The following ELAC1 variants were observed in gnomAD, a reference collection of about 807,000 sequenced individuals.
ELAC1 encodes the protein elaC ribonuclease Z 1, also known as zinc phosphodiesterase ELAC protein 1.
In ELAC1, 19 loss-of-function variants were observed where a neutral mutation model predicts 25.8. That is an observed-to-expected ratio of 0.74 (90% CI 0.51 to 1.08). The LOEUF (loss-of-function observed/expected upper bound fraction) is 1.08, where lower values mean the gene tolerates loss of function less well. ELAC1 is among the 50% of genes least tolerant of loss of function. The pLI, the probability that ELAC1 is intolerant of heterozygous loss-of-function variation, is 0.00. For synonymous variants in ELAC1, 148 were observed against 160.9 expected (o/e 0.92, Z 0.61); for missense variants, 403 against 434.6 (o/e 0.93, Z 0.65).
chr18:50,981,662 C>T (rs1372203416), intron 2 of ELAC1, among the ~76,000 whole-genome samples: 2 of 152,014 alleles, frequency 1.3e-5, no homozygotes, highest in African/African-American at 4.8e-5. Context: ...TATTTGTCTC[C>T]TTGAAACTGT....
At chr18:50,977,936 C>T (rs982563705) in intron 2 of ELAC1, among the ~76,000 whole-genome samples, 4 of 152,208 alleles carry the variant, frequency 2.6e-5, no homozygotes, top group African/African-American at 4.8e-5. Flanking sequence ...GTTCAAAGTT[C>T]CACAGATCTC....
chr18:50,987,102 T>G lies in ELAC1; in HGVS notation c.*17T>G. The G allele has an allele frequency of 6.8e-7, 1 of 1,472,554 alleles. No individual in the cohort carries two copies. Among genetic ancestry groups the G allele is most frequent in the Non-Finnish European group, 9.2e-7 (1 of 1,092,626 alleles). 91.2% of individuals were successfully genotyped at this position (1,472,554 alleles called of 1,614,324 possible). A position where few individuals can be genotyped will look rare whatever the true frequency, so the allele number is the denominator to read the frequency against. On this transcript the variant is annotated 3_prime_UTR_variant, in exon 4 of 4. Transcript: ENST00000269466. ...AAGAAATGAAACCAGTGTTCCTGAG[T>G]GCACACTGACATGTCTGTGAATATG...
At chr18:50,983,691 T>TAAAAAAAAA (rs35648801) in intron 2 of ELAC1, among the ~76,000 whole-genome samples, 2 of 128,834 alleles carry the variant, frequency 1.6e-5, no homozygotes, top group Non-Finnish European at 1.6e-5. Context: ...TCTACAAAAT[T>TAAAAAAAAA]AAAAAAAAAA....
At chr18:50,968,964 G>C (rs1233092114) in intron 1 of ELAC1, 1 of 152,136 alleles carries the variant, frequency 6.6e-6, no homozygotes, top group African/African-American at 2.4e-5. Context: ...TGTTTCATCT[G>C]TTACCCTCTC....
intron 2 of ELAC1, among the ~76,000 whole-genome samples, chr18:50,979,911 A>G (rs1442423548): frequency 6.6e-6 from 1 of 151,794 alleles, no homozygotes; most frequent in African/African-American, 2.4e-5. Context: ...TTGTATTTTT[A>G]ATAGAGATGG....
Position 50,987,753 on chromosome 18 carries a change from C to G in ELAC1, c.*668C>G, listed in dbSNP as rs1480910255. 1 of 152,168 alleles carries G rather than the reference C, an allele frequency of 6.6e-6. No individual in the cohort carries two copies. The highest frequency in any genetic ancestry group is 1.5e-5 in the Non-Finnish European group (1 of 68,026). The allele number at this position is 152,168 out of a possible 1,614,324, so 9.4% of individuals were successfully genotyped here. A position where few individuals can be genotyped will look rare whatever the true frequency, so the allele number is the denominator to read the frequency against. The stretch of plus-strand genomic sequence containing the variant: ...TACGGTGGTGGTAGTGGTGGTACTA[C>G]TACTACTGGTATTTAGTCAGCAGGG... On this transcript the variant is annotated 3_prime_UTR_variant, in exon 4 of 4. Coordinates refer to ENST00000269466, the MANE Select transcript of ELAC1 (RefSeq NM_018696.3).
intron 1 of ELAC1, 141 bp from the exon 2 acceptor site, chr18:50,974,255 TG>T: frequency 1.8e-6 from 1 of 558,768 alleles, no homozygotes; most frequent in Non-Finnish European, 2.7e-6. Context: ...AACCTTACTG[TG>T]GATATGTGTG....
chr18:50,984,707 G>A (rs1179728983), intron 3 of ELAC1, 144 bp downstream of exon 3: 1 of 650,902 alleles, frequency 1.5e-6, no homozygotes, highest in Non-Finnish European at 2.6e-6. Context: ...CGAGGTGGGA[G>A]GATCACTTGA....
At chr18:50,984,721 C>T (rs1457575490) in intron 3 of ELAC1, 158 bp downstream of exon 3, 19 of 626,828 alleles carry the variant, frequency 3.0e-5, no homozygotes, top group Admixed American at 8.8e-5. Context: ...CACTTGAGTT[C>T]GGGAGTTCAA....
At chr18:50,980,260 T>C (rs923798299) in intron 2 of ELAC1, among the ~76,000 whole-genome samples, 29 of 151,518 alleles carry the variant, frequency 1.9e-4, no homozygotes, top group African/African-American at 6.8e-4. Flanking sequence ...CAATGAGCCA[T>C]GATTGAGCCA....
At position 50,984,491 on chromosome 18, in the gene ELAC1, C is replaced by T; in HGVS notation, c.553C>T (p.Pro185Ser). 1 of 1,614,196 alleles carries T rather than the reference C, an allele frequency of 6.2e-7. No homozygotes were observed. The highest frequency in any genetic ancestry group is 1.3e-5 in the African/African-American group (1 of 75,048). ...VKAFRLFHRIPSFGFSVVEKK... is the reference protein window; with the variant it reads ...VKAFRLFHRISSFGFSVVEKK... ...AGCATTTCGCCTCTTTCACAGAATT[C>T]CCTCATTTGGGTTTTCAGTCGTGGA... Residue 185 changes from proline (P) to serine (S), a missense_variant, in exon 3 of 4, where the codon CCC becomes TCC. Pro to Ser is a moderately conservative substitution (Grantham distance 74). Coordinates refer to ENST00000269466, the MANE Select transcript of ELAC1 (RefSeq NM_018696.3).
At chr18:50,968,991 TG>T in intron 1 of ELAC1, 1 of 152,376 alleles carries the variant, frequency 6.6e-6, no homozygotes, top group Non-Finnish European at 1.5e-5. Context: ...TGTAGTATTT[TG>T]AAGCAAATCT....
chr18:50,986,999 A>G lies in ELAC1; in HGVS notation c.1006A>G (p.Lys336Glu). 6.2e-7 allele frequency: 1 copy of G among 1,613,032 alleles called. No individual in the cohort carries two copies. The highest frequency in any genetic ancestry group is 8.5e-7 in the Non-Finnish European group (1 of 1,179,558). ...EGETDGIAELKKQAESVLDLQ... is the reference protein window; with the variant it reads ...EGETDGIAELEKQAESVLDLQ... ...AGAAACAGATGGCATTGCAGAACTA[A>G]AAAAGCAAGCTGAATCAGTGTTAGA... The change falls in exon 4 of 4, where the codon AAA becomes GAA. Residue 336 changes from lysine (K) to glutamate (E), a missense_variant. Lys to Glu is a moderately conservative substitution (Grantham distance 56, BLOSUM62 1). Transcript: ENST00000269466.
In ELAC1 at chr18:50,987,592, T is replaced by G. The variant is rs141576574; in HGVS notation, c.*507T>G. Reference sequence around the variant, plus strand: ...TTTGCTGGAATACTGAATGCAGGGTTTGGCTAGGTGTTTATTTTAACATTT... The same window carrying G: ...TTTGCTGGAATACTGAATGCAGGGTGTGGCTAGGTGTTTATTTTAACATTT... On this transcript the variant is annotated 3_prime_UTR_variant, in exon 4 of 4. Coordinates refer to ENST00000269466, the MANE Select transcript of ELAC1 (RefSeq NM_018696.3). The G allele has an allele frequency of 6.6e-6, 1 of 152,450 alleles. No homozygotes were observed. Among genetic ancestry groups the G allele is most frequent in the Non-Finnish European group, 1.5e-5 (1 of 68,186 alleles). 9.4% of individuals were successfully genotyped at this position (152,450 alleles called of 1,614,324 possible). A position where few individuals can be genotyped will look rare whatever the true frequency, so the allele number is the denominator to read the frequency against.
intron 1 of ELAC1, 194 bp downstream of exon 1, chr18:50,968,308 C>G (rs1033503896): frequency 3.3e-5 from 5 of 152,198 alleles, no homozygotes; most frequent in African/African-American, 1.2e-4. Flanking sequence ...GCCCACCCAG[C>G]CTTTTTCGAG....
At chr18:50,976,326 G>A (rs1370446225) in intron 2 of ELAC1, among the ~76,000 whole-genome samples, 2 of 152,052 alleles carry the variant, frequency 1.3e-5, no homozygotes, top group African/African-American at 4.8e-5. Context: ...ACCCAAGACT[G>A]GGTAATTTAT....
At position 50,973,934 on chromosome 18, in the gene ELAC1, C is replaced by T. The variant is rs566015319; in HGVS notation, c.-8-463C>T. Among the ~76,000 whole-genome samples the T allele has an allele frequency of 2.6e-4, 39 of 152,330 alleles. 1 individual carries two copies. The South Asian group carries it at 7.3e-3, about 28-fold the overall frequency. ...TAAAGTTTACATTAGAGCTCATTCA[C>T]TCTAGTGGTGTTTATTCTGTGTACA... On this transcript the variant is annotated intron_variant, in intron 1 of 3. Transcript: ENST00000269466.
Position 50,970,445 on chromosome 18 carries a change from A to G in ELAC1, c.-9+2331A>G, listed in dbSNP as rs947435038. Among the ~76,000 whole-genome samples, 45 of 152,236 alleles carry G rather than the reference A, an allele frequency of 3.0e-4. 1 individual carries two copies. Among genetic ancestry groups the G allele is most frequent in the African/African-American group, 5.1e-4 (21 of 41,458 alleles). On this transcript the variant is annotated intron_variant, in intron 1 of 3. Transcript: ENST00000269466. ...TTATTCTTACCTATCTTGCAAATCA[A>G]TAAGGAAGCCTCTGCAAATAAAGCT...
chr18:50,987,351 G>T lies in ELAC1; in HGVS notation c.*266G>T. On this transcript the variant is annotated 3_prime_UTR_variant, in exon 4 of 4. Transcript: ENST00000269466. The stretch of plus-strand genomic sequence containing the variant: ...ACTATTCAGTTATACATCTTATTTT[G>T]TGCTACTACCACAGATAGCCAATAT... 1 of 304,744 alleles carries T rather than the reference G, an allele frequency of 3.3e-6. No individual in the cohort carries two copies. Among genetic ancestry groups the T allele is most frequent in the Non-Finnish European group, 6.0e-6 (1 of 166,632 alleles). The allele number at this position is 304,744 out of a possible 1,614,324, so 18.9% of individuals were successfully genotyped here. A position where few individuals can be genotyped will look rare whatever the true frequency, so the allele number is the denominator to read the frequency against.
Sources: gnomAD v4.1 joint callset for allele counts (sites outside exome capture counted in the v4.1 genomes callset) on GRCh38, gnomAD v4.1.1 for gene constraint, MANE v1.5 for transcripts, NCBI Gene and HGNC (gene_info 2026-07-23, HGNC 2026-07-21) for gene names.